The following PPP1R9A variants were observed in gnomAD, a reference collection of about 807,000 sequenced individuals.
PPP1R9A encodes the protein neurabin-1.
A neutral mutation model predicts 141.9 loss-of-function variants in PPP1R9A; 59 were observed. The ratio of observed to expected loss-of-function variants is 0.42; its 90% CI spans 0.34 to 0.52. PPP1R9A has a LOEUF of 0.52. Among genes scored for constraint, PPP1R9A ranks in the 20% least tolerant of loss-of-function variants. The pLI, the probability that PPP1R9A is intolerant of heterozygous loss-of-function variation, is 0.10. For missense variants in PPP1R9A, 1,444 were observed against 1,611.9 expected (o/e 0.90, Z 1.78); for synonymous variants, 500 against 569.7 (o/e 0.88, Z 1.74).
intron 17 of PPP1R9A, among the ~76,000 whole-genome samples, chr7:95,285,833 C>T (rs1805209899): frequency 6.6e-6 from 1 of 152,044 alleles, no homozygotes; most frequent in South Asian, 2.1e-4. Flanking sequence ...CCTAATAACT[C>T]AGCCTCTCCA....
chr7:95,168,915 A>G (rs1291008283), intron 5 of PPP1R9A, among the ~76,000 whole-genome samples: 1 of 152,208 alleles, frequency 6.6e-6, no homozygotes, highest in Non-Finnish European at 1.5e-5. Context: ...GAGAAAAAGG[A>G]ACTCTTACAC....
At chr7:95,237,345 G>A (rs576473613) in intron 8 of PPP1R9A, among the ~76,000 whole-genome samples, 6 of 151,418 alleles carry the variant, frequency 4.0e-5, no homozygotes, top group South Asian at 4.2e-4. Flanking sequence ...ACAAGTATGC[G>A]CCACCACACC....
chr7:94,919,541 A>G (rs1027321060), intron 2 of PPP1R9A, among the ~76,000 whole-genome samples: 4 of 152,054 alleles, frequency 2.6e-5, no homozygotes, highest in Non-Finnish European at 5.9e-5. Flanking sequence ...TTCCTTTTCT[A>G]ATAATCTGAT....
intron 2 of PPP1R9A, among the ~76,000 whole-genome samples, chr7:95,020,011 G>A (rs951136589): frequency 6.6e-6 from 1 of 151,572 alleles, no homozygotes; most frequent in South Asian, 2.1e-4. Flanking sequence ...AGTGGACTCA[G>A]CAGTCAAAAG....
chr7:95,055,955 A>G (rs1045357046), intron 2 of PPP1R9A, among the ~76,000 whole-genome samples: 2 of 152,050 alleles, frequency 1.3e-5, no homozygotes, highest in Admixed American at 6.6e-5. Context: ...ATACAGAGCA[A>G]CCCCAAATAA....
chr7:95,245,968 C>T (rs1280588611), intron 8 of PPP1R9A, among the ~76,000 whole-genome samples: 3 of 152,146 alleles, frequency 2.0e-5, no homozygotes, highest in African/African-American at 7.2e-5. Context: ...CAGAATCAAA[C>T]TGAAAAGTTT....
At chr7:95,107,250 T>C (rs1361329212) in intron 2 of PPP1R9A, among the ~76,000 whole-genome samples, 1 of 152,220 alleles carries the variant, frequency 6.6e-6, no homozygotes, top group East Asian at 1.9e-4. Flanking sequence ...TACCTACTTA[T>C]ACATGCAATT....
rs1398286534 is a variant in PPP1R9A at position 95,293,688 on chromosome 7, G to A, written c.*3385G>A. ...AAATCTTAAAATATCCCAGTCCCAAGCTACAAAAATGGTCACAGGTGGTTT... is the reference window on the plus strand; with the variant it reads ...AAATCTTAAAATATCCCAGTCCCAAACTACAAAAATGGTCACAGGTGGTTT... On this transcript the variant is annotated 3_prime_UTR_variant, in exon 20 of 20. Coordinates refer to ENST00000433360, the MANE Select transcript of PPP1R9A (RefSeq NM_001166160.2). 6.6e-6 allele frequency: 1 copy of A among 152,164 alleles called. No individual in the cohort carries two copies. The highest frequency in any genetic ancestry group is 1.5e-5 in the Non-Finnish European group (1 of 68,022). The allele number at this position is 152,164 out of a possible 1,614,324, so 9.4% of individuals were successfully genotyped here.
intron 2 of PPP1R9A, chr7:95,036,410 T>G (rs1808430278): frequency 6.6e-6 from 1 of 152,184 alleles, no homozygotes; most frequent in African/African-American, 2.4e-5. Context: ...AGTTGGAAGA[T>G]CTAAGATATG....
intron 2 of PPP1R9A, among the ~76,000 whole-genome samples, chr7:94,953,490 G>A (rs1280152377): frequency 6.6e-6 from 1 of 152,062 alleles, no homozygotes; most frequent in Admixed American, 6.6e-5. Context: ...TTCTAATTCT[G>A]TGAAGAAAGT....
At chr7:94,968,742 C>T (rs1798531197) in intron 2 of PPP1R9A, among the ~76,000 whole-genome samples, 1 of 152,090 alleles carries the variant, frequency 6.6e-6, no homozygotes, top group African/African-American at 2.4e-5. Context: ...TGTTTTCCAG[C>T]TTGGTTCCAT....
At chr7:95,004,053 G>C (rs1803289571) in intron 2 of PPP1R9A, among the ~76,000 whole-genome samples, 2 of 152,012 alleles carry the variant, frequency 1.3e-5, no homozygotes, top group African/African-American at 4.8e-5. Flanking sequence ...GGCATTTCTT[G>C]TCAGGAGAGA....
At chr7:95,067,878 A>G (rs777548044) in intron 2 of PPP1R9A, among the ~76,000 whole-genome samples, 4 of 152,070 alleles carry the variant, frequency 2.6e-5, no homozygotes, top group African/African-American at 7.2e-5. Context: ...CAAAGGACCA[A>G]ATTTCTATCT....
intron 2 of PPP1R9A, among the ~76,000 whole-genome samples, chr7:95,071,092 A>G: frequency 6.6e-6 from 1 of 152,084 alleles, no homozygotes; most frequent in Non-Finnish European, 1.5e-5. Flanking sequence ...CTTGATTCAC[A>G]TGTATTCAGG....
intron 5 of PPP1R9A, among the ~76,000 whole-genome samples, chr7:95,186,343 A>G (rs1834648899): frequency 6.6e-6 from 1 of 152,162 alleles, no homozygotes; most frequent in Admixed American, 6.6e-5. Context: ...CAGCAGTGCT[A>G]CTGATTTGTG....
chr7:94,980,127 G>A, intron 2 of PPP1R9A, among the ~76,000 whole-genome samples: 1 of 150,560 alleles, frequency 6.6e-6, no homozygotes, highest in Non-Finnish European at 1.5e-5. Context: ...GGGTCACACT[G>A]GAAGAAGAAT....
intron 2 of PPP1R9A, among the ~76,000 whole-genome samples, chr7:95,045,735 C>T (rs1809918999): frequency 6.6e-6 from 1 of 151,990 alleles, no homozygotes; most frequent in Non-Finnish European, 1.5e-5. Context: ...TTCTAGTGGG[C>T]GAGGGGAGCC....
chr7:95,187,428 T>C lies in PPP1R9A; in HGVS notation c.1755-10921T>C, dbSNP rs539087973. On this transcript the variant is annotated intron_variant, in intron 5 of 19. Coordinates refer to ENST00000433360, the MANE Select transcript of PPP1R9A (RefSeq NM_001166160.2). ...TCTTCTTGGTTAGTTGCACTAATGG[T>C]CTATCAATTTTGTTCATCTTTTCAA... Among the ~76,000 whole-genome samples the C allele has an allele frequency of 8.5e-5, 13 of 152,308 alleles. No individual in the cohort carries two copies. The South Asian group carries it at 2.7e-3, about 32-fold the overall frequency.
intron 2 of PPP1R9A, among the ~76,000 whole-genome samples, chr7:95,022,226 T>C (rs1806079018): frequency 6.6e-6 from 1 of 152,172 alleles, no homozygotes; most frequent in Non-Finnish European, 1.5e-5. Context: ...TTATTCTCTT[T>C]GTAGCAATTG....
Sources: allele counts gnomAD v4.1 joint callset (sites outside exome capture counted in the v4.1 genomes callset), GRCh38; gene constraint gnomAD v4.1.1; transcripts MANE v1.5; gene names NCBI Gene and HGNC (gene_info 2026-07-23, HGNC 2026-07-21).